Variants in ATP13A1 observed in about 807,000 individuals in gnomAD.
ATP13A1 encodes the protein endoplasmic reticulum transmembrane helix translocase.
ATP13A1 carries 55 observed loss-of-function variants against 134.8 expected under a neutral mutation model. The observed-to-expected ratio is 0.41, with a 90% CI of 0.33 to 0.51. The LOEUF (loss-of-function observed/expected upper bound fraction) is 0.51, where lower values mean the gene tolerates loss of function less well. Ranked by LOEUF, ATP13A1 falls within the 20% of genes least tolerant of loss-of-function variation. ATP13A1 has a pLI of 0.29. For synonymous variants in ATP13A1, 775 were observed against 725.1 expected, an observed-to-expected ratio of 1.07 and a Z score of -1.10; for missense variants, 1,389 against 1,652.8, an observed-to-expected ratio of 0.84 and a Z score of 2.77.
Position 19,663,657 on chromosome 19 carries a change from C to G in ATP13A1, c.10G>C (p.Ala4Pro). The G allele has an allele frequency of 3.9e-6, 5 of 1,287,060 alleles. No homozygotes were observed. Among genetic ancestry groups the G allele is most frequent in the Non-Finnish European group, 4.9e-6 (5 of 1,019,692 alleles). 79.7% of individuals were successfully genotyped at this position (1,287,060 alleles called of 1,614,324 possible). A position where few individuals can be genotyped will look rare whatever the true frequency, so the allele number is the denominator to read the frequency against. The change falls in exon 1 of 26, where the codon GCG becomes CCG. Residue 4 changes from alanine (A) to proline (P), a missense_variant. Physicochemically the swap from Ala to Pro is conservative, Grantham distance 27. Around this residue, in one of 4 missense-constraint regions of ATP13A1, gnomAD observed 293 missense variants for 270.8 expected, o/e 1.08. Coordinates refer to ENST00000357324, the MANE Select transcript of ATP13A1 (RefSeq NM_020410.3). ...GGCACCGCGTTGCCCACCGCCGCCG[C>G]TGCCGCCATCTTTCCTAGCGCCGCG... is the stretch of plus-strand genomic sequence containing the variant. MAA[A>P]AAVGNAVPCG...
rs1445590043 is a variant in ATP13A1, at chr19:19,654,054, A to T, written c.1904T>A (p.Val635Glu). The T allele has an allele frequency of 4.4e-6, 7 of 1,597,280 alleles. No individual in the cohort carries two copies. ...HFASALKRMS[V>E]LASYEKLGST... ...GCCCAGCTTCTCATACGAGGCAAGC[A>T]CGGACATTCGCTTCAGGGCACTGGC... Residue 635 changes from valine (V) to glutamate (E), a missense_variant, in exon 14 of 26, where the codon GTG becomes GAG. Physicochemically the swap from Val to Glu is moderately radical, Grantham distance 121. Coordinates refer to ENST00000357324, the MANE Select transcript of ATP13A1 (RefSeq NM_020410.3).
Position 19,654,152 on chromosome 19 carries a change from C to A in ATP13A1, c.1814-8G>T. 6.3e-7 allele frequency: 1 copy of A among 1,578,422 alleles called. No homozygotes were observed. Among genetic ancestry groups the A allele is most frequent in the East Asian group, 2.3e-5 (1 of 43,474 alleles). The stretch of plus-strand genomic sequence containing the variant: ...GGGGGAATACTTTCTCATCTGGAAA[C>A]AAATAAGTACGAGTCCTGAGGGGCT... On this transcript the variant is annotated splice_polypyrimidine_tract_variant and splice_region_variant and intron_variant, in intron 13 of 25. Transcript: ENST00000357324.
rs773264717 is a variant in ATP13A1, at chr19:19,662,190, A to G, written c.396+1081T>C. On this transcript the variant is annotated intron_variant, in intron 1 of 25. Coordinates refer to ENST00000357324, the MANE Select transcript of ATP13A1 (RefSeq NM_020410.3). ...GCAGCTGAAGTTTGAGCGGTGCCAC[A>G]GTCCCCTTAACCCCTCCTTTATTTT... The G allele has an allele frequency of 6.5e-6, 10 of 1,547,900 alleles. No homozygotes were observed. The East Asian group carries it at 9.8e-5, about 15-fold the overall frequency.
intron 3 of ATP13A1, among the ~76,000 whole-genome samples, chr19:19,659,038 C>G (rs1443931189): frequency 6.6e-6 from 1 of 152,178 alleles, no homozygotes; most frequent in African/African-American, 2.4e-5. Flanking sequence ...GGTCTCACAC[C>G]CCAGGGCACG....
chr19:19,646,018 T>A (rs1335326155), intron 23 of ATP13A1, 33 bp from the exon 24 acceptor site: 1 of 1,607,140 alleles, frequency 6.2e-7, no homozygotes, highest in South Asian at 1.1e-5. Context: ...GGGCCCCCTC[T>A]CCTGCTCCGG....
rs374497629 is a variant in ATP13A1, at chr19:19,654,163, G to A, written c.1814-19C>T. 8.9e-6 allele frequency: 14 copies of A among 1,568,400 alleles called. No individual in the cohort carries two copies. Among genetic ancestry groups the A allele is most frequent in the South Asian group, 3.5e-5 (3 of 85,670 alleles). On this transcript the variant is annotated intron_variant, in intron 13 of 25. Transcript: ENST00000357324. ...TTCTCATCTGGAAACAAATAAGTAC[G>A]AGTCCTGAGGGGCTTTGCTCCAAAG...
At chr19:19,652,912 C>T in intron 15 of ATP13A1, 192 bp from the exon 16 acceptor site, 1 of 764,954 alleles carries the variant, frequency 1.3e-6, no homozygotes, top group Non-Finnish European at 2.0e-6. Context: ...TGGGATCTGG[C>T]AGTGACTGGG....
intron 1 of ATP13A1, chr19:19,663,017 A>G (rs1354227658): frequency 8.8e-6 from 6 of 685,680 alleles, no homozygotes; most frequent in Non-Finnish European, 1.6e-5. Flanking sequence ...TTTTACAAGT[A>G]TTACATCACT....
In ATP13A1 at chr19:19,645,431, C is replaced by T; in HGVS notation, c.3606G>A (p.Val1202=). ...QFFLGTPKLK[V]PS is the part of the protein sequence containing the mutation. ...TACCAGCACTGCCATCTCAGGAAGG[C>T]ACTTTCAGCTTCGGGGTCCCCAGGA... is the stretch of plus-strand genomic sequence containing the variant. Residue 1202 remains valine, a synonymous_variant, in exon 26 of 26, where the codon GTG becomes GTA. Transcript: ENST00000357324. The surrounding 1 kb of genome is among the most constrained non-coding windows in gnomAD (Gnocchi z 4.1). 4 of 1,600,310 alleles carry T rather than the reference C, an allele frequency of 2.5e-6. No individual in the cohort carries two copies. The highest frequency in any genetic ancestry group is 3.4e-6 in the Non-Finnish European group (4 of 1,174,468).
rs1420083511 is a variant in ATP13A1 at position 19,645,203 on chromosome 19, A to G, written c.*219T>C. On this transcript the variant is annotated 3_prime_UTR_variant, in exon 26 of 26. Transcript: ENST00000357324. This position sits in a 1 kb window ranked among gnomAD's most constrained non-coding sequence, Gnocchi z 4.1. The stretch of plus-strand genomic sequence containing the variant: ...AGACGAGGTGGAGGCAGGGCTTTTT[A>G]AAATCTCAGATGCTGCTTTATTTAC... 2 of 583,520 alleles carry G rather than the reference A, an allele frequency of 3.4e-6. No individual in the cohort carries two copies. Among genetic ancestry groups the G allele is most frequent in the East Asian group, 5.9e-5 (2 of 33,636 alleles). The allele number at this position is 583,520 out of a possible 1,614,324, so 36.1% of individuals were successfully genotyped here.
Position 19,655,738 on chromosome 19 carries a change from T to C in ATP13A1, c.1270-84A>G, listed in dbSNP as rs528288234. ...TGGAAGCGTGGGCCTGGTCTTGGGG[T>C]GGCCTCTGCACCCTGGCCCAGGTCC... On this transcript the variant is annotated intron_variant, in intron 9 of 25. Coordinates refer to ENST00000357324, the MANE Select transcript of ATP13A1 (RefSeq NM_020410.3). This position sits in a 1 kb window ranked among gnomAD's most constrained non-coding sequence, Gnocchi z 5.7. 9.7e-6 allele frequency: 15 copies of C among 1,549,462 alleles called. No individual in the cohort carries two copies. In the South Asian group the frequency reaches 1.1e-4, roughly 11 times the overall value.
chr19:19,645,708 A>G lies in ATP13A1; in HGVS notation c.3443T>C (p.Leu1148Pro). 1 of 1,589,992 alleles carries G rather than the reference A, an allele frequency of 6.3e-7. No individual in the cohort carries two copies. The highest frequency in any genetic ancestry group is 8.6e-7 in the Non-Finnish European group (1 of 1,168,662). ...LAVSLLAIIG[L>P]LLGSSPDFNS... is the part of the protein sequence containing the mutation. ...GAAGTCGGGCGAGGAGCCGAGGAGC[A>G]GGCCAATGATGGCCAGGAGTGAAAC... is the stretch of plus-strand genomic sequence containing the variant. Residue 1148 changes from leucine to proline, a missense_variant, in exon 25 of 26, where the codon CTG becomes CCG. By Grantham distance (98) the Leu-to-Pro change is moderately conservative (BLOSUM62 -3). Around this residue, in one of 4 missense-constraint regions of ATP13A1, gnomAD observed 228 missense variants for 321.0 expected, o/e 0.71. Coordinates refer to ENST00000357324, the MANE Select transcript of ATP13A1 (RefSeq NM_020410.3). The surrounding 1 kb of genome is among the most constrained non-coding windows in gnomAD (Gnocchi z 4.1).
Position 19,653,841 on chromosome 19 carries a change from T to C in ATP13A1, c.2043A>G (p.Glu681=), listed in dbSNP as rs1210715014. 2 of 1,563,564 alleles carry C rather than the reference T, an allele frequency of 1.3e-6. No individual in the cohort carries two copies. The highest frequency in any genetic ancestry group is 4.8e-5 in the East Asian group (2 of 41,908). ...ACCCCAGCGCCAGGACGCGGGCTCC[T>C]TCCCGGGAGATCTCGGTGTGGATGT... ...YHHIHTEISR[E]GARVLALGYK... The change falls in exon 15 of 26, where the codon GAA becomes GAG. Residue 681 remains glutamate (E), a synonymous_variant. Transcript: ENST00000357324. The surrounding 1 kb of genome is among the most constrained non-coding windows in gnomAD (Gnocchi z 4.2).
At chr19:19,661,165 C>T (rs1310321307) in intron 1 of ATP13A1, among the ~76,000 whole-genome samples, 1 of 152,160 alleles carries the variant, frequency 6.6e-6, no homozygotes, top group Non-Finnish European at 1.5e-5. Flanking sequence ...AAGCTGGGTG[C>T]ACAGACAGCA....
intron 1 of ATP13A1, chr19:19,660,485 A>G (rs78448585): frequency 1.5e-5 from 2 of 137,276 alleles, no homozygotes; most frequent in South Asian, 4.6e-4. Flanking sequence ...TATCTCAATT[A>G]AAAAAAAAAA....
Position 19,655,028 on chromosome 19 carries a change from T to C in ATP13A1, c.1655+91A>G, listed in dbSNP as rs1599433493. On this transcript the variant is annotated intron_variant, in intron 12 of 25. Transcript: ENST00000357324. This position sits in a 1 kb window ranked among gnomAD's most constrained non-coding sequence, Gnocchi z 5.7. ...GGCAGGGCCTCTGACGGGCCCTCACTGCAAGGGCTTGGGGTGGATGGGCCA... is the reference window on the plus strand; with the variant it reads ...GGCAGGGCCTCTGACGGGCCCTCACCGCAAGGGCTTGGGGTGGATGGGCCA... 6.5e-7 allele frequency: 1 copy of C among 1,548,852 alleles called. No individual in the cohort carries two copies. The highest frequency in any genetic ancestry group is 8.7e-7 in the Non-Finnish European group (1 of 1,149,292).
chr19:19,645,286 T>C lies in ATP13A1; in HGVS notation c.*136A>G. 1.0e-6 allele frequency: 1 copy of C among 975,934 alleles called. No individual in the cohort carries two copies. The highest frequency in any genetic ancestry group is 2.6e-5 in the East Asian group (1 of 37,778). The allele number at this position is 975,934 out of a possible 1,614,324, so 60.5% of individuals were successfully genotyped here. A position where few individuals can be genotyped will look rare whatever the true frequency, so the allele number is the denominator to read the frequency against. Reference sequence around the variant, plus strand: ...CCAAGCCAGCGGATGGCTGTGGGGGTCCCAGCTCAGTCTTCCAAGGGCGAG... The same window carrying C: ...CCAAGCCAGCGGATGGCTGTGGGGGCCCCAGCTCAGTCTTCCAAGGGCGAG... On this transcript the variant is annotated 3_prime_UTR_variant, in exon 26 of 26. Coordinates refer to ENST00000357324, the MANE Select transcript of ATP13A1 (RefSeq NM_020410.3). The surrounding 1 kb of genome is among the most constrained non-coding windows in gnomAD (Gnocchi z 4.1).
At position 19,654,197 on chromosome 19, in the gene ATP13A1, A is replaced by T. The variant is rs2062042488; in HGVS notation, c.1814-53T>A. 6 of 1,513,770 alleles carry T rather than the reference A, an allele frequency of 4.0e-6. No homozygotes were observed. In the South Asian group the frequency reaches 7.4e-5, roughly 19 times the overall value. The allele number at this position is 1,513,770 out of a possible 1,614,324, so 93.8% of individuals were successfully genotyped here. On this transcript the variant is annotated intron_variant, in intron 13 of 25. Transcript: ENST00000357324. ...GGGGCTTTGCTCCAAAGAGGCAGCC[A>T]AGCCCCTACCTCTCACCCCGGCCTC...
intron 3 of ATP13A1, among the ~76,000 whole-genome samples, chr19:19,657,989 A>T (rs2062070219): frequency 6.6e-6 from 1 of 151,786 alleles, no homozygotes; most frequent in African/African-American, 2.4e-5. Context: ...TATTTACAAA[A>T]AATTTAAAAA....
Sources: gnomAD v4.1 joint callset for allele counts (sites outside exome capture counted in the v4.1 genomes callset) on GRCh38, gnomAD v4.1.1 for gene constraint, gnomAD v4.1.1 regional missense constraint, Gnocchi (gnomAD v3.1) non-coding constraint, MANE v1.5 for transcripts, NCBI Gene and HGNC (gene_info 2026-07-23, HGNC 2026-07-21) for gene names.